The following MIS18A variants were observed in gnomAD, a reference collection of about 807,000 sequenced individuals.
The protein encoded by MIS18A is protein Mis18-alpha.
A neutral mutation model predicts 25.0 loss-of-function variants in MIS18A; 14 were observed. The ratio of observed to expected loss-of-function variants is 0.56; its 90% confidence interval spans 0.37 to 0.88. The LOEUF (loss-of-function observed/expected upper bound fraction) is 0.88, where lower values mean the gene tolerates loss of function less well. Ranked by LOEUF, MIS18A falls within the 40% of genes least tolerant of loss-of-function variation. The pLI is 0.00. For synonymous variants in MIS18A, 134 were observed against 118.6 expected (o/e 1.13, Z -0.84); for missense variants, 292 against 290.8 (o/e 1.00, Z -0.03).
the MIS18A span, among the ~76,000 whole-genome samples, chr21:32,198,700 G>A: frequency 0.07 from 10,676 of 152,338 alleles, 534 homozygotes; most frequent in South Asian, 0.16. Flanking sequence ...AAAGGCTTTG[G>A]AGGCCCCAGA....
At chr21:32,243,453 A>G in the MIS18A span, among the ~76,000 whole-genome samples, 1 of 152,384 alleles carries the variant, frequency 6.6e-6, no homozygotes, top group East Asian at 1.9e-4. Flanking sequence ...CAAATGGTAT[A>G]TATATGTGAC....
chr21:32,270,544 T>A lies in MIS18A; in HGVS notation c.402-15A>T. Reference sequence around the variant, plus strand: ...TCTCAAGGACGCTGCAATAAAGAAATGTCTTGCTTTAGGAAACGAAGCAGC... The same window carrying A: ...TCTCAAGGACGCTGCAATAAAGAAAAGTCTTGCTTTAGGAAACGAAGCAGC... On this transcript the variant is annotated splice_polypyrimidine_tract_variant and intron_variant, in intron 2 of 4. Transcript: ENST00000290130. 1 of 1,521,470 alleles carries A rather than the reference T, an allele frequency of 6.6e-7. No homozygotes were observed. The highest frequency in any genetic ancestry group is 1.4e-5 in the African/African-American group (1 of 70,496). 94.2% of individuals were successfully genotyped at this position (1,521,470 alleles called of 1,614,324 possible). A position where few individuals can be genotyped will look rare whatever the true frequency, so the allele number is the denominator to read the frequency against.
At chr21:32,221,301 C>A in the MIS18A span, among the ~76,000 whole-genome samples, 1 of 152,110 alleles carries the variant, frequency 6.6e-6, no homozygotes, top group Non-Finnish European at 1.5e-5. Context: ...ACCCTACAAG[C>A]CAGAAGAGAA....
the MIS18A span, among the ~76,000 whole-genome samples, chr21:32,230,246 A>T: frequency 3.3e-5 from 5 of 152,250 alleles, no homozygotes; most frequent in South Asian, 6.2e-4. Context: ...CATATTTTCA[A>T]GTATATCAAA....
chr21:32,231,586 TG>T, the MIS18A span, among the ~76,000 whole-genome samples: 2 of 152,046 alleles, frequency 1.3e-5, no homozygotes. Flanking sequence ...ATGCTGCTGG[TG>T]GGAATGTAAA....
the MIS18A span, among the ~76,000 whole-genome samples, chr21:32,242,690 G>A: frequency 6.6e-6 from 1 of 152,112 alleles, no homozygotes; most frequent in Admixed American, 6.5e-5. Flanking sequence ...TTGAGCACCT[G>A]CTATGTGGAA....
chr21:32,170,745 T>G, the MIS18A span, among the ~76,000 whole-genome samples: 2 of 151,742 alleles, frequency 1.3e-5, no homozygotes, highest in Admixed American at 1.3e-4. Flanking sequence ...AAAATACTAG[T>G]GAACGAAATC....
chr21:32,274,830 C>T lies in MIS18A; in HGVS notation c.401G>A (p.Cys134Tyr), dbSNP rs1475362379. 3 of 1,609,652 alleles carry T rather than the reference C, an allele frequency of 1.9e-6. No homozygotes were observed. The South Asian group carries it at 3.3e-5, about 18-fold the overall frequency. The change falls in exon 2 of 5, where the codon TGC becomes TAC. Residue 134 changes from cysteine to tyrosine, a missense_variant and splice_region_variant. By Grantham distance (194) the Cys-to-Tyr change is radical. Coordinates refer to ENST00000290130, the MANE Select transcript of MIS18A (RefSeq NM_018944.3). ...TTCATATAAATACAGTTTTACTCAC[C>T]AACCATTTTCCTTTTCACGTTTGGA... Reference protein sequence around the residue: ...KLSKREKENGCVLETLCCAGC... With the variant: ...KLSKREKENGYVLETLCCAGC...
chr21:32,269,455 G>A (rs1285817345), intron 4 of MIS18A, among the ~76,000 whole-genome samples: 1 of 152,146 alleles, frequency 6.6e-6, no homozygotes, highest in Non-Finnish European at 1.5e-5. Flanking sequence ...AATCAAAGAT[G>A]TATTTCTAGC....
chr21:32,278,618 A>C, intron 1 of MIS18A, 63 bp downstream of exon 1: 1 of 1,409,994 alleles, frequency 7.1e-7, no homozygotes, highest in Non-Finnish European at 9.3e-7. Flanking sequence ...CGGGCCGCCC[A>C]CGCGCGGCAC....
the MIS18A span, among the ~76,000 whole-genome samples, chr21:32,256,171 A>T: frequency 2.0e-5 from 3 of 152,156 alleles, no homozygotes; most frequent in Non-Finnish European, 2.9e-5. Context: ...TGCTGCTCAA[A>T]CCTAAAGAGA....
the MIS18A span, among the ~76,000 whole-genome samples, chr21:32,190,333 G>A: frequency 6.6e-6 from 1 of 152,012 alleles, no homozygotes; most frequent in Non-Finnish European, 1.5e-5. Context: ...GTTCTACAGA[G>A]AAAAATGAAA....
the MIS18A span, among the ~76,000 whole-genome samples, chr21:32,197,432 C>A: frequency 6.6e-6 from 1 of 152,188 alleles, no homozygotes; most frequent in Non-Finnish European, 1.5e-5. Flanking sequence ...CATCTGACCA[C>A]CGGTTCCAGC....
the MIS18A span, among the ~76,000 whole-genome samples, chr21:32,202,030 T>G: frequency 6.6e-6 from 1 of 152,212 alleles, no homozygotes; most frequent in African/African-American, 2.4e-5. Context: ...GGCTCATGCC[T>G]GTAATCTCAG....
At chr21:32,206,507 T>C in the MIS18A span, among the ~76,000 whole-genome samples, 1 of 152,198 alleles carries the variant, frequency 6.6e-6, no homozygotes, top group African/African-American at 2.4e-5. Context: ...CTTGGAGTTT[T>C]AGCTTAAATG....
At chr21:32,231,214 C>T in the MIS18A span, among the ~76,000 whole-genome samples, 24 of 143,822 alleles carry the variant, frequency 1.7e-4, no homozygotes, top group Admixed American at 6.4e-4. Flanking sequence ...CCAGCCTAGG[C>T]GACACAGCGA....
chr21:32,269,166 A>T, intron 4 of MIS18A, 49 bp from the exon 5 acceptor site: 2 of 1,272,994 alleles, frequency 1.6e-6, no homozygotes, highest in Non-Finnish European at 2.2e-6. Flanking sequence ...ATATAATTAA[A>T]AATTATACAT....
At chr21:32,172,834 A>G in the MIS18A span, among the ~76,000 whole-genome samples, 1 of 152,164 alleles carries the variant, frequency 6.6e-6, no homozygotes, top group Non-Finnish European at 1.5e-5. Context: ...ATTTTTGACA[A>G]GAGTCTAACA....
At chr21:32,163,109 C>T in the MIS18A span, among the ~76,000 whole-genome samples, 2 of 152,342 alleles carry the variant, frequency 1.3e-5, no homozygotes, top group East Asian at 1.9e-4. Flanking sequence ...ATAGAAGAAT[C>T]AGATGCTGGT....
Sources: allele counts gnomAD v4.1 joint callset (sites outside exome capture counted in the v4.1 genomes callset), GRCh38; gene constraint gnomAD v4.1.1; transcripts MANE v1.5; gene names NCBI Gene and HGNC (gene_info 2026-07-23, HGNC 2026-07-21).